The following WDPCP variants were observed in gnomAD, a reference collection of about 807,000 sequenced individuals.
WDPCP encodes WD repeat-containing and planar cell polarity effector protein fritz homolog.
A neutral mutation model predicts 93.1 loss-of-function variants in WDPCP; 71 were observed. That is an observed-to-expected ratio of 0.76 (90% CI 0.63 to 0.93). The LOEUF is 0.93. WDPCP is among the 40% of genes least tolerant of loss of function. The probability of loss-of-function intolerance (pLI) is 0.00; values close to 1 mark genes in which losing one functional copy is unlikely to be tolerated. For missense variants in WDPCP, 844 were observed against 887.4 expected, an observed-to-expected ratio of 0.95 and a Z score of 0.62; for synonymous variants, 315 against 315.0, an observed-to-expected ratio of 1.00 and a Z score of 0.00.
chr2:63,213,492 A>G (rs1482724931), intron 14 of WDPCP, among the ~76,000 whole-genome samples: 1 of 152,244 alleles, frequency 6.6e-6, no homozygotes, highest in Non-Finnish European at 1.5e-5. Context: ...AGGGAAACTT[A>G]TAGCACTAAA....
At chr2:63,425,018 T>C (rs564973109) in intron 9 of WDPCP, among the ~76,000 whole-genome samples, 54 of 152,236 alleles carry the variant, frequency 3.5e-4, no homozygotes, top group African/African-American at 1.1e-3. Flanking sequence ...TTAAGCGCCA[T>C]CTACTGGATT....
chr2:63,233,402 G>T, intron 14 of WDPCP: 1 of 219,948 alleles, frequency 4.5e-6, no homozygotes, highest in South Asian at 8.0e-5. Context: ...GTTCAAGAGT[G>T]GGACCAACTC....
At chr2:63,328,850 C>T (rs1687765004) in intron 12 of WDPCP, among the ~76,000 whole-genome samples, 2 of 152,300 alleles carry the variant, frequency 1.3e-5, no homozygotes, top group South Asian at 2.1e-4. Flanking sequence ...CCTCAGCCTC[C>T]TGAGTAGGCT....
chr2:63,694,294 A>G (rs1161126788), intron 2 of WDPCP, among the ~76,000 whole-genome samples: 1 of 152,166 alleles, frequency 6.6e-6, no homozygotes, highest in African/African-American at 2.4e-5. Flanking sequence ...TACTAACTTG[A>G]AAAGACTAGG....
intron 2 of WDPCP, among the ~76,000 whole-genome samples, chr2:63,812,179 T>A (rs747032428): frequency 6.6e-6 from 1 of 152,164 alleles, no homozygotes; most frequent in Non-Finnish European, 1.5e-5. Context: ...TTTGGTTGTC[T>A]GTTCCTGTGT....
At chr2:63,840,203 G>A in the WDPCP span, among the ~76,000 whole-genome samples, 4 of 152,222 alleles carry the variant, frequency 2.6e-5, no homozygotes, top group Non-Finnish European at 5.9e-5. Flanking sequence ...CTCGCTGCCA[G>A]GCACACTGAG....
chr2:63,810,524 A>C (rs996749912), intron 2 of WDPCP, among the ~76,000 whole-genome samples: 6 of 152,224 alleles, frequency 3.9e-5, no homozygotes, highest in Non-Finnish European at 7.3e-5. Context: ...GATGACAGGC[A>C]TTGGAGGGAA....
upstream of WDPCP, chr2:63,589,190 G>C: frequency 6.2e-7 from 1 of 1,600,856 alleles, no homozygotes; most frequent in Non-Finnish European, 8.5e-7. Flanking sequence ...ATCTTCTGGG[G>C]ATTGCCGCAG....
rs571797183 is a variant in WDPCP, at chr2:63,763,231, C to T, written n.308+50391G>A. ...AAGGTATTTGTTGATGGTCCGGGCA[C>T]GGTGGCTCATGCCTGTGATCCCAGC... On this transcript the variant is annotated intron_variant and non_coding_transcript_variant, in intron 2 of 4. Transcript: ENST00000467687. Among the ~76,000 whole-genome samples, 5 of 152,174 alleles carry T rather than the reference C, an allele frequency of 3.3e-5. No individual in the cohort carries two copies. The East Asian group carries it at 5.8e-4, about 18-fold the overall frequency.
chr2:63,773,801 G>C (rs1670264565), intron 2 of WDPCP, among the ~76,000 whole-genome samples: 1 of 152,022 alleles, frequency 6.6e-6, no homozygotes. Context: ...TATTCTGAAA[G>C]AGAGAAAAAT....
intron 6 of WDPCP, chr2:63,440,186 G>T (rs1697412857): frequency 1.3e-5 from 3 of 235,706 alleles, no homozygotes; most frequent in Admixed American, 5.1e-5. Context: ...GCTTTGTTTT[G>T]GATTCAGAAA....
chr2:63,347,083 C>G (rs1359716693), intron 12 of WDPCP, among the ~76,000 whole-genome samples: 1 of 152,188 alleles, frequency 6.6e-6, no homozygotes, highest in Non-Finnish European at 1.5e-5. Context: ...ACAATAGCCA[C>G]AGTAACAACA....
intron 12 of WDPCP, among the ~76,000 whole-genome samples, chr2:63,348,328 T>C (rs1192512478): frequency 6.6e-6 from 1 of 152,172 alleles, no homozygotes; most frequent in African/African-American, 2.4e-5. Context: ...CACAACTGAC[T>C]TAAACTTCAG....
intron 1 of WDPCP, among the ~76,000 whole-genome samples, chr2:63,580,108 T>A (rs1281346199): frequency 6.6e-6 from 1 of 152,160 alleles, no homozygotes; most frequent in Non-Finnish European, 1.5e-5. Flanking sequence ...CCAAATAAAA[T>A]TCTATTCTTT....
upstream of WDPCP, among the ~76,000 whole-genome samples, chr2:63,829,880 C>T (rs371738217): frequency 2.6e-5 from 4 of 152,100 alleles, no homozygotes; most frequent in African/African-American, 7.2e-5. Context: ...TATGAATGGA[C>T]GTGTGGGAAG....
intron 12 of WDPCP, among the ~76,000 whole-genome samples, chr2:63,351,446 G>A (rs550600843): frequency 4.6e-5 from 7 of 151,934 alleles, no homozygotes; most frequent in Admixed American, 3.9e-4. Flanking sequence ...CCATCTAGTA[G>A]TCCACAGTGT....
intron 2 of WDPCP, among the ~76,000 whole-genome samples, chr2:63,809,157 T>G (rs1670820533): frequency 6.7e-6 from 1 of 150,194 alleles, no homozygotes; most frequent in African/African-American, 2.5e-5. Context: ...AGCCACCCCG[T>G]CTGGGAAGTG....
chr2:63,686,310 C>A (rs992729519), intron 2 of WDPCP, among the ~76,000 whole-genome samples: 4 of 152,086 alleles, frequency 2.6e-5, no homozygotes, highest in African/African-American at 7.2e-5. Flanking sequence ...AGCAAATAAT[C>A]TGAAAAAGAA....
Position 63,645,022 on chromosome 2 carries a change from A to C in WDPCP, n.488+5637T>G, listed in dbSNP as rs970742250. On this transcript the variant is annotated intron_variant and non_coding_transcript_variant, in intron 3 of 4. Transcript: ENST00000467687. ...TTCACTTATTTCTGCCCTTATCTTT[A>C]TTTTTTCTTTTCTTCTACCAATTTT... Among the ~76,000 whole-genome samples, 5 of 150,916 alleles carry C rather than the reference A, an allele frequency of 3.3e-5. No homozygotes were observed. The South Asian group carries it at 1.0e-3, about 32-fold the overall frequency.
Sources: allele counts gnomAD v4.1 joint callset (sites outside exome capture counted in the v4.1 genomes callset), GRCh38; gene constraint gnomAD v4.1.1; transcripts MANE v1.5; gene names NCBI Gene and HGNC (gene_info 2026-07-23, HGNC 2026-07-21).